Variants in PIGU observed in about 807,000 individuals in gnomAD.
The protein encoded by PIGU is phosphatidylinositol glycan anchor biosynthesis class U.
In PIGU, 24 loss-of-function variants were observed where a neutral mutation model predicts 49.9. The ratio of observed to expected loss-of-function variants is 0.48; its 90% CI spans 0.35 to 0.68. The LOEUF is 0.68. Ranked by LOEUF, PIGU falls within the 30% of genes least tolerant of loss-of-function variation. The probability of loss-of-function intolerance (pLI) is 0.01; values close to 1 mark genes in which losing one functional copy is unlikely to be tolerated. For missense variants in PIGU, 490 were observed against 532.6 expected, an observed-to-expected ratio of 0.92 and a Z score of 0.79; for synonymous variants, 220 against 205.7, an observed-to-expected ratio of 1.07 and a Z score of -0.59.
intron 5 of PIGU, among the ~76,000 whole-genome samples, chr20:34,637,163 T>C (rs1478505899): frequency 6.6e-6 from 1 of 152,226 alleles, no homozygotes. Flanking sequence ...TTGAGTAAAC[T>C]AGTCTCACAA....
intron 1 of PIGU, among the ~76,000 whole-genome samples, chr20:34,665,357 C>T (rs1215706768): frequency 6.6e-6 from 1 of 151,028 alleles, no homozygotes; most frequent in Non-Finnish European, 1.5e-5. Flanking sequence ...GCGCCCGCTA[C>T]CACGCCCGGC....
At chr20:34,615,668 C>T (rs1984976400) in intron 7 of PIGU, among the ~76,000 whole-genome samples, 1 of 152,176 alleles carries the variant, frequency 6.6e-6, no homozygotes, top group Non-Finnish European at 1.5e-5. Flanking sequence ...CCGTCCTGCT[C>T]TGTCCCACTC....
intron 2 of PIGU, among the ~76,000 whole-genome samples, chr20:34,646,669 G>T (rs184619172): frequency 6.6e-6 from 1 of 152,008 alleles, no homozygotes; most frequent in Non-Finnish European, 1.5e-5. Context: ...TCAGACTCCC[G>T]AACTGCTGGC....
At chr20:34,658,772 A>G (rs1600667150) in intron 1 of PIGU, among the ~76,000 whole-genome samples, 5 of 134,630 alleles carry the variant, frequency 3.7e-5, no homozygotes, top group South Asian at 2.6e-4. Context: ...GCCCCGTCTG[A>G]GAAGTGAGGA....
At chr20:34,584,159 A>T (rs998980488) in intron 9 of PIGU, among the ~76,000 whole-genome samples, 7 of 152,128 alleles carry the variant, frequency 4.6e-5, no homozygotes, top group African/African-American at 1.7e-4. Context: ...TGGGAAAATC[A>T]TCCCACCTCT....
intron 7 of PIGU, among the ~76,000 whole-genome samples, chr20:34,593,937 G>A (rs757848975): frequency 2.0e-5 from 3 of 151,724 alleles, no homozygotes; most frequent in African/African-American, 4.8e-5. Flanking sequence ...AGCACTTTGG[G>A]AGGCTGAGGC....
chr20:34,646,498 T>G (rs1233637503), intron 2 of PIGU, among the ~76,000 whole-genome samples: 1 of 152,194 alleles, frequency 6.6e-6, no homozygotes, highest in Admixed American at 6.5e-5. Context: ...AACCTCCGCC[T>G]CCTGGGTTCA....
At chr20:34,618,772 G>A (rs1985101357) in intron 6 of PIGU, among the ~76,000 whole-genome samples, 1 of 152,136 alleles carries the variant, frequency 6.6e-6, no homozygotes, top group South Asian at 2.1e-4. Flanking sequence ...GGGTGACAGA[G>A]TAAGACCCTG....
At chr20:34,572,661 A>G (rs764627501) in intron 11 of PIGU, among the ~76,000 whole-genome samples, 4 of 152,168 alleles carry the variant, frequency 2.6e-5, no homozygotes, top group Non-Finnish European at 5.9e-5. Flanking sequence ...CTCAAAAAAT[A>G]AATATATAAA....
intron 2 of PIGU, among the ~76,000 whole-genome samples, chr20:34,656,376 G>A (rs1292301273): frequency 9.1e-6 from 1 of 110,034 alleles, no homozygotes; most frequent in Non-Finnish European, 1.9e-5. Flanking sequence ...TCCACCTCCC[G>A]GGTTCGCGCC....
rs142144328 is a variant in PIGU, at chr20:34,614,460, C to G, written c.627+1582G>C. ...CCAGTCTGGGCAACATGGCGAAACC[C>G]CATCTCTACAAAAAATTAGCCGGGT... On this transcript the variant is annotated intron_variant, in intron 7 of 11. Coordinates refer to ENST00000217446, the MANE Select transcript of PIGU (RefSeq NM_080476.5). 5.6e-3 allele frequency among the ~76,000 whole-genome samples: 854 copies of G among 151,560 alleles called. 4 individuals are homozygous for G. Among genetic ancestry groups the G allele is most frequent in the Non-Finnish European group, 9.7e-3 (659 of 67,866 alleles).
intron 11 of PIGU, among the ~76,000 whole-genome samples, chr20:34,568,874 C>T (rs1164429142): frequency 1.3e-5 from 2 of 152,136 alleles, no homozygotes; most frequent in African/African-American, 4.8e-5. Flanking sequence ...TAGGCAGTGG[C>T]TTGAGGAGTA....
At chr20:34,669,500 C>G (rs1354435008) in intron 1 of PIGU, among the ~76,000 whole-genome samples, 2 of 151,936 alleles carry the variant, frequency 1.3e-5, no homozygotes, top group African/African-American at 4.8e-5. Context: ...AACCCTATCT[C>G]TACCAAAAAT....
intron 1 of PIGU, among the ~76,000 whole-genome samples, chr20:34,673,410 T>A (rs947540529): frequency 6.6e-6 from 1 of 152,174 alleles, no homozygotes; most frequent in South Asian, 2.1e-4. Flanking sequence ...TGCTTACAGA[T>A]GTTGTACCTT....
At chr20:34,609,955 C>T (rs944230491) in intron 7 of PIGU, among the ~76,000 whole-genome samples, 37 of 152,096 alleles carry the variant, frequency 2.4e-4, no homozygotes, top group African/African-American at 8.5e-4. Context: ...TGCTTGGCAC[C>T]TCTCCTTCCT....
chr20:34,566,083 C>G (rs1288053141), intron 11 of PIGU, among the ~76,000 whole-genome samples: 1 of 152,290 alleles, frequency 6.6e-6, no homozygotes, highest in East Asian at 1.9e-4. Context: ...TGCACTCACA[C>G]ACACACAGAT....
Position 34,575,818 on chromosome 20 carries a change from A to T in PIGU, c.1052-572T>A, listed in dbSNP as rs75765717. On this transcript the variant is annotated intron_variant, in intron 10 of 11. Coordinates refer to ENST00000217446, the MANE Select transcript of PIGU (RefSeq NM_080476.5). Reference sequence around the variant, plus strand: ...TTAGATGATAAAGGACCTCTTTTTGACACCGTCTCTCACTCCTTGCCTCTA... The same window carrying T: ...TTAGATGATAAAGGACCTCTTTTTGTCACCGTCTCTCACTCCTTGCCTCTA... 2.6e-5 allele frequency among the ~76,000 whole-genome samples: 4 copies of T among 152,188 alleles called. No homozygotes were observed. In the East Asian group the frequency reaches 7.7e-4, roughly 29 times the overall value.
intron 1 of PIGU, among the ~76,000 whole-genome samples, chr20:34,670,485 T>C (rs1019492064): frequency 6.7e-6 from 1 of 149,568 alleles, no homozygotes; most frequent in African/African-American, 2.5e-5. Flanking sequence ...GTGAGCCACC[T>C]CGCCTGGCCA....
intron 6 of PIGU, among the ~76,000 whole-genome samples, chr20:34,624,413 C>T (rs528041393): frequency 2.0e-5 from 3 of 152,212 alleles, no homozygotes; most frequent in Non-Finnish European, 4.4e-5. Flanking sequence ...ATCTGTCTAA[C>T]ATGAGAGCAG....
Sources: allele counts gnomAD v4.1 joint callset (sites outside exome capture counted in the v4.1 genomes callset), GRCh38; gene constraint gnomAD v4.1.1; transcripts MANE v1.5; gene names NCBI Gene and HGNC (gene_info 2026-07-23, HGNC 2026-07-21).